The following TENM2 variants were observed in gnomAD, a reference collection of about 807,000 sequenced individuals.
TENM2 encodes teneurin transmembrane protein 2.
TENM2 carries 52 observed loss-of-function variants against 245.2 expected under a neutral mutation model. The observed-to-expected ratio is 0.21, with a 90% CI of 0.17 to 0.27. The LOEUF (loss-of-function observed/expected upper bound fraction) is 0.27. Among genes scored for constraint, TENM2 ranks in the 10% least tolerant of loss-of-function variants. The probability of loss-of-function intolerance (pLI) is 1.00; values close to 1 mark genes in which losing one functional copy is unlikely to be tolerated. For synonymous variants in TENM2, 1,363 were observed against 1,438.9 expected (o/e 0.95, Z 1.19); for missense variants, 3,046 against 3,666.8 (o/e 0.83, Z 4.37).
intron 3 of TENM2, among the ~76,000 whole-genome samples, chr5:167,928,767 G>A (rs1056183028): frequency 4.0e-5 from 6 of 150,978 alleles, no homozygotes; most frequent in African/African-American, 4.9e-5. Context: ...GTGGTGGTGC[G>A]TGCCTGTAGT....
At chr5:167,046,579 A>G in the TENM2 span, among the ~76,000 whole-genome samples, 95,770 of 152,024 alleles carry the variant, frequency 0.63, 32,247 homozygotes, top group African/African-American at 0.89. Context: ...TTTTCTCACT[A>G]CCAGCAACCA....
intron 3 of TENM2, among the ~76,000 whole-genome samples, chr5:167,916,334 C>T (rs946594758): frequency 2.6e-5 from 4 of 152,098 alleles, no homozygotes; most frequent in Admixed American, 1.3e-4. Context: ...TACCTTCAGA[C>T]GTTATTGTAC....
At chr5:167,312,607 AG>A (rs1206344691) in intron 1 of TENM2, among the ~76,000 whole-genome samples, 6 of 152,198 alleles carry the variant, frequency 3.9e-5, no homozygotes, top group African/African-American at 1.4e-4. Context: ...AACAAAAAAA[AG>A]AAATGATTTC....
chr5:167,732,997 A>C (rs1313925161), intron 2 of TENM2, among the ~76,000 whole-genome samples: 11 of 152,164 alleles, frequency 7.2e-5, no homozygotes. Flanking sequence ...ATTTTTTGAC[A>C]CTAGATTTTT....
At chr5:167,644,575 T>A (rs893341584) in intron 2 of TENM2, among the ~76,000 whole-genome samples, 1 of 152,154 alleles carries the variant, frequency 6.6e-6, no homozygotes, top group Non-Finnish European at 1.5e-5. Flanking sequence ...CTACAGACAT[T>A]ACGAGGCTGG....
rs370783534 is a variant in TENM2 at position 167,601,562 on chromosome 5, A to G, written c.502+226089A>G. Among the ~76,000 whole-genome samples the G allele has an allele frequency of 1.9e-3, 297 of 152,362 alleles. 15 individuals carry two copies. The South Asian group carries it at 0.06, about 31-fold the overall frequency. On this transcript the variant is annotated intron_variant, in intron 2 of 28. Transcript: ENST00000518659. Reference sequence around the variant, plus strand: ...TTCAAGGAGCAAGAAGATCCATGAGAGAGTAACTGTGTTTTTGGATATCTG... The same window carrying G: ...TTCAAGGAGCAAGAAGATCCATGAGGGAGTAACTGTGTTTTTGGATATCTG...
chr5:168,192,941 C>A (rs997010737), intron 14 of TENM2, among the ~76,000 whole-genome samples: 3 of 152,168 alleles, frequency 2.0e-5, no homozygotes, highest in Non-Finnish European at 2.9e-5. Flanking sequence ...CCCTTTCATG[C>A]TTTCTCCACC....
chr5:167,895,899 C>A (rs566423533), intron 3 of TENM2, among the ~76,000 whole-genome samples: 5 of 152,360 alleles, frequency 3.3e-5, no homozygotes, highest in African/African-American at 1.2e-4. Flanking sequence ...CAATTCATTT[C>A]AATTCCACAA....
At chr5:167,796,890 G>A (rs1189001838) in intron 2 of TENM2, among the ~76,000 whole-genome samples, 1 of 151,968 alleles carries the variant, frequency 6.6e-6, no homozygotes, top group Non-Finnish European at 1.5e-5. Context: ...GCGTGAGTCA[G>A]GCATGTCCTC....
the TENM2 span, among the ~76,000 whole-genome samples, chr5:167,084,526 A>G: frequency 6.6e-6 from 1 of 151,230 alleles, no homozygotes; most frequent in Non-Finnish European, 1.5e-5. Context: ...TCGTGGGCCA[A>G]CTCCGTTAAG....
intron 1 of TENM2, among the ~76,000 whole-genome samples, chr5:167,341,800 G>A (rs539911412): frequency 1.3e-5 from 2 of 152,260 alleles, no homozygotes; most frequent in South Asian, 4.1e-4. Flanking sequence ...CTGAGGCAAA[G>A]TAACAGTTGG....
Position 167,974,694 on chromosome 5 carries a change from G to C in TENM2, c.948-18250G>C, listed in dbSNP as rs1031633436. Among the ~76,000 whole-genome samples, 6 of 152,080 alleles carry C rather than the reference G, an allele frequency of 3.9e-5. 1 individual carries two copies. The highest frequency in any genetic ancestry group is 1.3e-4 in the Admixed American group (2 of 15,274). ...AATAATAACAAGTCATTTGCCTTAG[G>C]CTGCACAGGTTAAAGGTGAGGCAAC... On this transcript the variant is annotated intron_variant, in intron 4 of 28. Transcript: ENST00000518659.
At chr5:167,238,574 A>G in the TENM2 span, among the ~76,000 whole-genome samples, 1 of 152,252 alleles carries the variant, frequency 6.6e-6, no homozygotes, top group African/African-American at 2.4e-5. Flanking sequence ...GATTTGCGGG[A>G]CAAGCCTGCT....
chr5:167,868,965 CT>C (rs1239818906), intron 2 of TENM2, among the ~76,000 whole-genome samples: 2 of 151,136 alleles, frequency 1.3e-5, no homozygotes, highest in African/African-American at 4.9e-5. Flanking sequence ...CATATAACAT[CT>C]CCACTCTTCA....
At position 168,003,348 on chromosome 5, in the gene TENM2, C is replaced by T. The variant is rs1784564274; in HGVS notation, c.1186+10166C>T. 1.0e-4 allele frequency among the ~76,000 whole-genome samples: 6 copies of T among 60,162 alleles called. No homozygotes were observed. The South Asian group carries it at 2.7e-3, about 27-fold the overall frequency. The allele number at this position is 60,162 out of a possible 152,430, so 39.5% of individuals were successfully genotyped here. On this transcript the variant is annotated intron_variant, in intron 5 of 28. Coordinates refer to ENST00000518659, the Ensembl canonical transcript of TENM2. ...ACACACACACACACACACACACACC[C>T]CCAAAGCTGGCATAACTGTGAAGAG...
intron 2 of TENM2, among the ~76,000 whole-genome samples, chr5:167,528,085 T>C (rs1771241505): frequency 6.6e-6 from 1 of 152,228 alleles, no homozygotes; most frequent in Non-Finnish European, 1.5e-5. Context: ...ACAAATTTCA[T>C]ATTGCCTTTT....
chr5:167,922,837 C>T (rs1309581868), intron 3 of TENM2, among the ~76,000 whole-genome samples: 1 of 152,250 alleles, frequency 6.6e-6, no homozygotes, highest in Non-Finnish European at 1.5e-5. Flanking sequence ...GATCCATCAG[C>T]ATTTGTCTTC....
chr5:167,127,975 A>G, the TENM2 span, among the ~76,000 whole-genome samples: 1 of 152,094 alleles, frequency 6.6e-6, no homozygotes, highest in African/African-American at 2.4e-5. Flanking sequence ...CTGTGGCCCC[A>G]CTGCCCAGGG....
intron 14 of TENM2, chr5:168,190,802 G>T: frequency 2.9e-6 from 1 of 344,438 alleles, no homozygotes; most frequent in Middle Eastern, 7.8e-4. Flanking sequence ...TTGATTCCCT[G>T]GTTTTTAGAT....
Sources: gnomAD v4.1 joint callset for allele counts (sites outside exome capture counted in the v4.1 genomes callset) on GRCh38, gnomAD v4.1.1 for gene constraint, MANE v1.5 for transcripts, NCBI Gene and HGNC (gene_info 2026-07-23, HGNC 2026-07-21) for gene names.